The following ERLIN2 variants were observed in gnomAD, a reference collection of about 807,000 sequenced individuals.
ERLIN2 encodes erlin-2.
A neutral mutation model predicts 41.5 loss-of-function variants in ERLIN2; 22 were observed. The ratio of observed to expected loss-of-function variants is 0.53; its 90% CI spans 0.38 to 0.76. ERLIN2 has a LOEUF of 0.76. ERLIN2 is among the 30% of genes least tolerant of loss of function. The probability of loss-of-function intolerance (pLI) is 0.00; values close to 1 mark genes in which losing one functional copy is unlikely to be tolerated. For synonymous variants in ERLIN2, 149 were observed against 150.9 expected (o/e 0.99, Z 0.09); for missense variants, 247 against 414.3 (o/e 0.60, Z 3.51).
chr8:37,748,946 C>T (rs943429396), intron 6 of ERLIN2, among the ~76,000 whole-genome samples: 8 of 152,182 alleles, frequency 5.3e-5, no homozygotes, highest in African/African-American at 1.7e-4. Context: ...AGGACCAAAG[C>T]AAACAGCACA....
At chr8:37,743,825 T>G (rs1360445649) in intron 4 of ERLIN2, among the ~76,000 whole-genome samples, 1 of 151,980 alleles carries the variant, frequency 6.6e-6, no homozygotes, top group Non-Finnish European at 1.5e-5. Flanking sequence ...ATAAATAAGG[T>G]AAAATGTTAT....
chr8:37,741,756 T>C lies in ERLIN2; in HGVS notation c.190-16T>C, dbSNP rs1280101227. On this transcript the variant is annotated splice_polypyrimidine_tract_variant and intron_variant, in intron 3 of 11. Coordinates refer to ENST00000519638, the MANE Select transcript of ERLIN2 (RefSeq NM_007175.8). The surrounding 1 kb of genome is among the most constrained non-coding windows in gnomAD (Gnocchi z 4.8). The stretch of plus-strand genomic sequence containing the variant: ...ACTGCCCATCTTCTAGCACTTTATG[T>C]TTCCTCTGTTTCCAGACCACACTCC... The C allele has an allele frequency of 6.2e-7, 1 of 1,608,950 alleles. No individual in the cohort carries two copies. The highest frequency in any genetic ancestry group is 8.5e-7 in the Non-Finnish European group (1 of 1,175,188).
chr8:37,742,129 G>A (rs1027404057), intron 4 of ERLIN2, among the ~76,000 whole-genome samples: 1 of 151,972 alleles, frequency 6.6e-6, no homozygotes, highest in Non-Finnish European at 1.5e-5. Flanking sequence ...GGATCATGAG[G>A]TCAGGATATC....
intron 6 of ERLIN2, chr8:37,745,988 T>A: frequency 9.8e-7 from 1 of 1,017,886 alleles, no homozygotes; most frequent in Middle Eastern, 4.9e-4. Flanking sequence ...GAAATTAAAA[T>A]ACAAAGTTGT....
chr8:37,738,539 C>G (rs1219283396), intron 2 of ERLIN2, among the ~76,000 whole-genome samples: 1 of 152,072 alleles, frequency 6.6e-6, no homozygotes, highest in Non-Finnish European at 1.5e-5. Context: ...AACATTTCAG[C>G]CAGCCTGGGT....
chr8:37,745,723 T>C, intron 6 of ERLIN2: 1 of 1,558,166 alleles, frequency 6.4e-7, no homozygotes, highest in Admixed American at 1.9e-5. Flanking sequence ...TCATCCAAAT[T>C]ACTTTTAATG....
At chr8:37,742,050 G>A (rs1407543259) in intron 4 of ERLIN2, among the ~76,000 whole-genome samples, 1 of 152,094 alleles carries the variant, frequency 6.6e-6, no homozygotes, top group African/African-American at 2.4e-5. Flanking sequence ...TACTCTATTA[G>A]AAGTGAGGAT....
chr8:37,745,361 G>A (rs889142216), intron 6 of ERLIN2: 14 of 587,404 alleles, frequency 2.4e-5, no homozygotes, highest in East Asian at 1.1e-4. Flanking sequence ...AAGATTCCAC[G>A]TGCCTAAGTA....
intron 4 of ERLIN2, among the ~76,000 whole-genome samples, chr8:37,744,142 A>G (rs984544300): frequency 1.3e-5 from 2 of 152,164 alleles, no homozygotes; most frequent in African/African-American, 4.8e-5. Context: ...GTCTTTGTAG[A>G]GATGTTCCTA....
intron 1 of ERLIN2, chr8:37,737,386 C>A: frequency 5.3e-6 from 1 of 189,302 alleles, no homozygotes; most frequent in Non-Finnish European, 1.1e-5. Flanking sequence ...TACCTTGAAA[C>A]TCTGCTCGCC....
At chr8:37,745,598 T>C in intron 6 of ERLIN2, 1 of 1,614,128 alleles carries the variant, frequency 6.2e-7, no homozygotes. Context: ...CCAGGAATCT[T>C]CATAAAAGGG....
Position 37,754,251 on chromosome 8 carries a change from A to C in ERLIN2, c.*136A>C, listed in dbSNP as rs1803303554. 1.3e-6 allele frequency: 1 copy of C among 765,066 alleles called. No individual in the cohort carries two copies. The highest frequency in any genetic ancestry group is 2.3e-6 in the Non-Finnish European group (1 of 442,090). The allele number at this position is 765,066 out of a possible 1,614,324, so 47.4% of individuals were successfully genotyped here. ...GTGGTGAAAAAGAAGAAATGAACTT[A>C]AATCCACTCCCTTTCTAGGGAAAGG... On this transcript the variant is annotated 3_prime_UTR_variant, in exon 12 of 12. Coordinates refer to ENST00000519638, the MANE Select transcript of ERLIN2 (RefSeq NM_007175.8).
In ERLIN2 at chr8:37,740,607, T is replaced by TAC. The variant is rs201895506; in HGVS notation, c.189+167_189+168dup. ...TATATATATATAATATATATATATA[T>TAC]ACACACATACACTATATATATATAA... On this transcript the variant is annotated intron_variant, in intron 3 of 11. Transcript: ENST00000519638. 0.023 allele frequency: 4,455 copies of TAC among 190,042 alleles called. 229 individuals are homozygous for TAC. Among genetic ancestry groups the TAC allele is most frequent in the African/African-American group, 0.1 (4,214 of 41,300 alleles). The allele number at this position is 190,042 out of a possible 1,614,324, so 11.8% of individuals were successfully genotyped here.
Position 37,740,430 on chromosome 8 carries a change from C to T in ERLIN2, c.173C>T (p.Ser58Leu). The change falls in exon 3 of 12, where the codon TCA becomes TTA. Residue 58 changes from serine to leucine, a missense_variant. By Grantham distance (145) the Ser-to-Leu change is moderately radical (BLOSUM62 -2). This residue lies in a region of ERLIN2 where 93 missense variants were observed against 139.0 expected (regional missense o/e 0.67). Transcript: ENST00000519638. ...CATCTCATGCTCCCTTTCATCACAT[C>T]ATATAAGTCTGTGCAGGTATGCTTG... Reference protein sequence around the residue: ...GFHLMLPFITSYKSVQTTLQT... With the variant: ...GFHLMLPFITLYKSVQTTLQT... 6.2e-7 allele frequency: 1 copy of T among 1,612,944 alleles called. No homozygotes were observed. Among genetic ancestry groups the T allele is most frequent in the Non-Finnish European group, 8.5e-7 (1 of 1,179,256 alleles).
At position 37,754,282 on chromosome 8, in the gene ERLIN2, G is replaced by A; in HGVS notation, c.*167G>A. ...ACTCCCTTTCTAGGGAAAGGAGGGT[G>A]GGGACTGATGATGGGGGGTTTTATT... On this transcript the variant is annotated 3_prime_UTR_variant, in exon 12 of 12. Transcript: ENST00000519638. 1 of 670,386 alleles carries A rather than the reference G, an allele frequency of 1.5e-6. No homozygotes were observed. Among genetic ancestry groups the A allele is most frequent in the Non-Finnish European group, 2.6e-6 (1 of 377,828 alleles). The allele number at this position is 670,386 out of a possible 1,614,324, so 41.5% of individuals were successfully genotyped here.
chr8:37,736,649 C>G lies in ERLIN2; in HGVS notation c.-45C>G. On this transcript the variant is annotated 5_prime_UTR_variant, in exon 1 of 12. Coordinates refer to ENST00000519638, the MANE Select transcript of ERLIN2 (RefSeq NM_007175.8). The stretch of plus-strand genomic sequence containing the variant: ...CGGTTTTCTTGCTCGTGGGCTCGGA[C>G]GAGTACGGAGCGCCTGCAGGGACAG... The G allele has an allele frequency of 2.0e-6, 2 of 985,792 alleles. No individual in the cohort carries two copies. The highest frequency in any genetic ancestry group is 2.4e-6 in the Non-Finnish European group (2 of 830,154). The allele number at this position is 985,792 out of a possible 1,614,324, so 61.1% of individuals were successfully genotyped here.
Position 37,754,266 on chromosome 8 carries a change from C to T in ERLIN2, c.*151C>T. ...AAATGAACTTAAATCCACTCCCTTT[C>T]TAGGGAAAGGAGGGTGGGGACTGAT... On this transcript the variant is annotated 3_prime_UTR_variant, in exon 12 of 12. Coordinates refer to ENST00000519638, the MANE Select transcript of ERLIN2 (RefSeq NM_007175.8). The T allele has an allele frequency of 1.4e-6, 1 of 721,406 alleles. No homozygotes were observed. Among genetic ancestry groups the T allele is most frequent in the South Asian group, 1.5e-5 (1 of 64,702 alleles). 44.7% of individuals were successfully genotyped at this position (721,406 alleles called of 1,614,324 possible). A position where few individuals can be genotyped will look rare whatever the true frequency, so the allele number is the denominator to read the frequency against.
chr8:37,737,900 T>G lies in ERLIN2; in HGVS notation c.-15-8T>G. 1 of 1,613,976 alleles carries G rather than the reference T, an allele frequency of 6.2e-7. No individual in the cohort carries two copies. Among genetic ancestry groups the G allele is most frequent in the Non-Finnish European group, 8.5e-7 (1 of 1,179,960 alleles). On this transcript the variant is annotated splice_region_variant and splice_polypyrimidine_tract_variant and intron_variant, in intron 1 of 11. Transcript: ENST00000519638. ...GACCACACACATTTTCCCGTGTCTT[T>G]TCCCTAGGATAAAGGCTCACTGATG...
rs928454187 is a variant in ERLIN2 at position 37,757,317 on chromosome 8, CAGCCACTGCTTTTTTGTTGTTTCT to C, written c.*3211_*3234del. On this transcript the variant is annotated 3_prime_UTR_variant, in exon 12 of 12. Transcript: ENST00000519638. The stretch of plus-strand genomic sequence containing the variant: ...CTTTAAGCTCTATTCAGTAGGGTTC[CAGCCACTGCTTTTTTGTTGTTTCT>C]AGCCACTGTTTTTTTTTTCTTGTTT... 4 of 152,002 alleles carry C rather than the reference CAGCCACTGCTTTTTTGTTGTTTCT, an allele frequency of 2.6e-5. No homozygotes were observed. The highest frequency in any genetic ancestry group is 4.4e-5 in the Non-Finnish European group (3 of 67,986). 9.4% of individuals were successfully genotyped at this position (152,002 alleles called of 1,614,324 possible).
Sources: allele counts gnomAD v4.1 joint callset (sites outside exome capture counted in the v4.1 genomes callset), GRCh38; gene constraint gnomAD v4.1.1; regional missense constraint gnomAD v4.1.1; non-coding constraint Gnocchi (gnomAD v3.1); transcripts MANE v1.5; gene names NCBI Gene and HGNC (gene_info 2026-07-23, HGNC 2026-07-21).